The following LARGE2 variants were observed in gnomAD, a reference collection of about 807,000 sequenced individuals.
The protein encoded by LARGE2 is LARGE xylosyl- and glucuronyltransferase 2.
A neutral mutation model predicts 75.3 loss-of-function variants in LARGE2; 63 were observed. That is an observed-to-expected ratio of 0.84 (90% confidence interval 0.68 to 1.03). The LOEUF is 1.03. Ranked by LOEUF, LARGE2 falls within the 50% of genes least tolerant of loss-of-function variation. The pLI, the probability that LARGE2 is intolerant of heterozygous loss-of-function variation, is 0.00. For missense variants in LARGE2, 925 were observed against 980.6 expected, an observed-to-expected ratio of 0.94 and a Z score of 0.76; for synonymous variants, 428 against 420.1, an observed-to-expected ratio of 1.02 and a Z score of -0.23.
upstream of LARGE2, among the ~76,000 whole-genome samples, chr11:45,922,306 C>T (rs2086944756): frequency 6.6e-6 from 1 of 152,176 alleles, no homozygotes; most frequent in Non-Finnish European, 1.5e-5. Context: ...CCTCCTCCCT[C>T]GTGTCGAGCT....
intron 3 of LARGE2, 70 bp from the exon 4 acceptor site, chr11:45,924,084 C>A (rs773144196): frequency 1.3e-6 from 2 of 1,569,996 alleles, no homozygotes; most frequent in Admixed American, 1.8e-5. Flanking sequence ...CTCTGCGCCC[C>A]TCGGGGTGGG....
At chr11:45,927,231 G>A in intron 10 of LARGE2, 84 bp from the exon 11 acceptor site, 3 of 1,461,866 alleles carry the variant, frequency 2.1e-6, no homozygotes, top group Non-Finnish European at 2.8e-6. Context: ...GGTGGCAGCA[G>A]CAGCTAACTG....
chr11:45,927,802 C>A, intron 11 of LARGE2, 118 bp from the exon 12 acceptor site: 1 of 1,513,980 alleles, frequency 6.6e-7, no homozygotes, highest in Non-Finnish European at 9.1e-7. Flanking sequence ...GCCCACCCGT[C>A]GCATCAGGCA....
At chr11:45,924,952 G>A (rs2087087498) in intron 6 of LARGE2, 63 bp downstream of exon 6, 1 of 1,044,544 alleles carries the variant, frequency 9.6e-7, no homozygotes, top group African/African-American at 1.6e-5. Flanking sequence ...CCCTGGGGCT[G>A]GGTGGGGCAA....
At chr11:45,927,270 C>T (rs1398493814) in intron 10 of LARGE2, 45 bp from the exon 11 acceptor site, 4 of 1,571,490 alleles carry the variant, frequency 2.5e-6, no homozygotes, top group Non-Finnish European at 2.6e-6. Context: ...CCCTGAGCTC[C>T]TGTGCAAGAG....
Position 45,922,687 on chromosome 11 carries a change from C to T in LARGE2, c.-104C>T. On this transcript the variant is annotated 5_prime_UTR_variant, in exon 1 of 14. Coordinates refer to ENST00000401752, the MANE Select transcript of LARGE2 (RefSeq NM_001300721.2). ...CCCCTGGTTCCCGCACCCTGGCCGG[C>T]GGCTGCGAGCGCAGGGCCCAGCCCG... The T allele has an allele frequency of 1.1e-5, 4 of 376,866 alleles. No individual in the cohort carries two copies. The highest frequency in any genetic ancestry group is 1.8e-5 in the Non-Finnish European group (4 of 218,490). 23.3% of individuals were successfully genotyped at this position (376,866 alleles called of 1,614,324 possible).
At chr11:45,926,625 C>G in intron 9 of LARGE2, 28 bp downstream of exon 9, 1 of 1,613,806 alleles carries the variant, frequency 6.2e-7, no homozygotes, top group Non-Finnish European at 8.5e-7. Flanking sequence ...TCCCCTGCCC[C>G]TCTCTGCTTT....
At chr11:45,923,914 A>G (rs1590806263) in intron 3 of LARGE2, among the ~76,000 whole-genome samples, 2 of 133,712 alleles carry the variant, frequency 1.5e-5, no homozygotes, top group South Asian at 2.5e-4. Flanking sequence ...TGAACCCGGG[A>G]GGCAGAGCTT....
At chr11:45,923,237 T>A (rs947069096) in intron 2 of LARGE2, 70 bp downstream of exon 2, 2 of 1,312,230 alleles carry the variant, frequency 1.5e-6, no homozygotes, top group Admixed American at 7.8e-5. Flanking sequence ...CTTGGACATC[T>A]GCGGGAATCA....
chr11:45,927,459 T>A lies in LARGE2; in HGVS notation c.1470T>A (p.His490Gln), dbSNP rs372184633. The change falls in exon 11 of 14, where the codon CAT (histidine) becomes CAA (glutamine). Residue 490 changes from histidine (H) to glutamine (Q), a missense_variant. Transcript: ENST00000401752. Reference protein sequence around the residue: ...VLAARQDVAYHVVYREGPLYP... With the variant: ...VLAARQDVAYQVVYREGPLYP... ...CTGCCCGGCAGGACGTGGCCTACCA[T>A]GTGGTGTACCGTGAGGGGCCCCTAT... The A allele has an allele frequency of 1.0e-4, 169 of 1,614,116 alleles. No homozygotes were observed. Among genetic ancestry groups the A allele is most frequent in the Non-Finnish European group, 1.4e-4 (165 of 1,180,042 alleles).
At chr11:45,922,236 G>C (rs1167338064), upstream of LARGE2, among the ~76,000 whole-genome samples, 1 of 152,148 alleles carries the variant, frequency 6.6e-6, no homozygotes, top group Non-Finnish European at 1.5e-5. Context: ...GTGTCGGCCG[G>C]CTCCGCCCCT....
At position 45,926,281 on chromosome 11, in the gene LARGE2, C is replaced by G; in HGVS notation, c.942C>G (p.Val314=). The G allele has an allele frequency of 6.2e-7, 1 of 1,614,206 alleles. No homozygotes were observed. Among genetic ancestry groups the G allele is most frequent in the Non-Finnish European group, 8.5e-7 (1 of 1,180,036 alleles). Residue 314 remains valine (V), a synonymous_variant, in exon 8 of 14, where the codon GTC becomes GTG. Transcript: ENST00000401752. ...HPGLVQRLPC[V]WNVQLSDHTL... is the part of the protein sequence containing the mutation. ...GGCTAGTGCAGCGTCTGCCTTGTGT[C>G]TGGAATGTGCAGCTGTCAGATCACA...
In LARGE2 at chr11:45,926,572, G is replaced by A; in HGVS notation, c.1139G>A (p.Ser380Asn). ...CGGAGAGAGCTCTTTGTGTGCCCCA[G>A]CCAGCCCCCACCTGGTGCTGAGCAG... ...LLRRELFVCP[S>N]QPPPGAEQLQ... is the part of the protein sequence containing the mutation. The change falls in exon 9 of 14, where the codon AGC becomes AAC. Residue 380 changes from serine to asparagine, a missense_variant. Around this residue, in one of 3 missense-constraint regions of LARGE2, gnomAD observed 469 missense variants for 503.8 expected, o/e 0.93. Coordinates refer to ENST00000401752, the MANE Select transcript of LARGE2 (RefSeq NM_001300721.2). The A allele has an allele frequency of 1.2e-6, 2 of 1,614,068 alleles. No homozygotes were observed. Among genetic ancestry groups the A allele is most frequent in the Non-Finnish European group, 1.7e-6 (2 of 1,180,022 alleles).
intron 13 of LARGE2, 24 bp downstream of exon 13, chr11:45,928,396 C>T (rs752772925): frequency 6.2e-7 from 1 of 1,607,900 alleles, no homozygotes; most frequent in Admixed American, 1.7e-5. Flanking sequence ...CTTGCTGCCT[C>T]CACCTTTGAC....
At chr11:45,922,258 A>G (rs2086943690), upstream of LARGE2, among the ~76,000 whole-genome samples, 2 of 152,086 alleles carry the variant, frequency 1.3e-5, no homozygotes, top group Admixed American at 6.5e-5. Flanking sequence ...TCCCCAGAGC[A>G]GGTGTCCCAG....
Position 45,923,529 on chromosome 11 carries a change from C to A in LARGE2, c.342C>A (p.Thr114=). The part of the protein sequence containing the change: ...AGHNSSRDVI[T]LVKSMLFYRK... ...ATAACTCCAGCCGAGACGTCATCAC[C>A]CTGGTGAAGTCCATGCTCTTCTACA... Residue 114 remains threonine, a synonymous_variant, in exon 3 of 14, where the codon ACC becomes ACA. Transcript: ENST00000401752. 6.2e-7 allele frequency: 1 copy of A among 1,613,982 alleles called. No homozygotes were observed. Among genetic ancestry groups the A allele is most frequent in the Non-Finnish European group, 8.5e-7 (1 of 1,179,982 alleles).
intron 10 of LARGE2, 24 bp downstream of exon 10, chr11:45,926,895 G>C (rs2087178558): frequency 2.5e-6 from 4 of 1,591,738 alleles, no homozygotes; most frequent in Non-Finnish European, 3.4e-6. Context: ...GGGCAGCCCA[G>C]GGGGTATGGC....
chr11:45,924,873 C>T lies in LARGE2; in HGVS notation c.753C>T (p.Gly251=). The change falls in exon 6 of 14, where the codon GGC becomes GGT. Residue 251 remains glycine, a synonymous_variant. Transcript: ENST00000401752. ...WKNHRPWPAL[G]RGFNTGVILL... ...ACCACAGGCCCTGGCCTGCCTTGGG[C>T]CGGGGATTTAACACAGGTGGGGACA... is the stretch of plus-strand genomic sequence containing the variant. 6.8e-7 allele frequency: 1 copy of T among 1,481,056 alleles called. No individual in the cohort carries two copies. Among genetic ancestry groups the T allele is most frequent in the Non-Finnish European group, 9.0e-7 (1 of 1,116,594 alleles). The allele number at this position is 1,481,056 out of a possible 1,614,324, so 91.7% of individuals were successfully genotyped here. A position where few individuals can be genotyped will look rare whatever the true frequency, so the allele number is the denominator to read the frequency against.
At chr11:45,922,578 G>C (rs1471990157), upstream of LARGE2, 2 of 223,998 alleles carry the variant, frequency 8.9e-6, no homozygotes, top group Non-Finnish European at 1.7e-5. Context: ...CAGGACCCCG[G>C]GGGGGTCACC....
Sources: gnomAD v4.1 joint callset for allele counts (sites outside exome capture counted in the v4.1 genomes callset) on GRCh38, gnomAD v4.1.1 for gene constraint, gnomAD v4.1.1 regional missense constraint, MANE v1.5 for transcripts, NCBI Gene and HGNC (gene_info 2026-07-23, HGNC 2026-07-21) for gene names.